The following GALNT13 variants were observed in gnomAD, a reference collection of about 807,000 sequenced individuals.
GALNT13 encodes the protein polypeptide N-acetylgalactosaminyltransferase 13, also known as UDP-GalNAc:polypeptide N-acetylgalactosaminyltransferase 13.
Under a neutral mutation model 64.2 loss-of-function variants are expected in GALNT13, and 28 were observed. The observed-to-expected ratio is 0.44, with a 90% confidence interval of 0.32 to 0.60. The LOEUF is 0.60. Among genes scored for constraint, GALNT13 ranks in the 20% least tolerant of loss-of-function variants. The pLI is 0.05. For missense variants in GALNT13, 577 were observed against 669.8 expected (o/e 0.86, Z 1.53); for synonymous variants, 214 against 224.6 (o/e 0.95, Z 0.42).
intron 2 of GALNT13, among the ~76,000 whole-genome samples, chr2:153,934,834 G>A (rs997282033): frequency 1.3e-5 from 2 of 152,084 alleles, no homozygotes; most frequent in South Asian, 2.1e-4. Flanking sequence ...ATGAAAAGTG[G>A]CCTGGCTGTT....
intron 9 of GALNT13, among the ~76,000 whole-genome samples, chr2:154,370,841 TGAGATGCCCTA>T (rs1204280564): frequency 6.6e-5 from 10 of 152,234 alleles, no homozygotes; most frequent in African/African-American, 2.4e-4. Flanking sequence ...CTGGACTAAA[TGAGATGCCCTA>T]GGAAGAAAGT....
chr2:154,360,648 T>G (rs1029925172), intron 9 of GALNT13, among the ~76,000 whole-genome samples: 5 of 152,190 alleles, frequency 3.3e-5, no homozygotes, highest in Non-Finnish European at 7.4e-5. Flanking sequence ...TATGTGTGGA[T>G]GGATGTCTCA....
chr2:153,816,604 G>A, the GALNT13 span, among the ~76,000 whole-genome samples: 1 of 149,498 alleles, frequency 6.7e-6, no homozygotes, highest in African/African-American at 2.5e-5. Context: ...ACAATGGATG[G>A]ATGGATAGAT....
At chr2:153,601,775 T>C in the GALNT13 span, among the ~76,000 whole-genome samples, 1 of 151,834 alleles carries the variant, frequency 6.6e-6, no homozygotes. Flanking sequence ...AGATGTTCCT[T>C]ACTCTAAGGA....
At chr2:154,444,289 G>A (rs1701453603) in intron 12 of GALNT13, among the ~76,000 whole-genome samples, 3 of 151,956 alleles carry the variant, frequency 2.0e-5, no homozygotes, top group South Asian at 2.1e-4. Context: ...TTTTGAAAGG[G>A]AAATAGTATA....
chr2:154,387,804 CTCTT>C (rs1698588013), intron 9 of GALNT13, among the ~76,000 whole-genome samples: 1 of 152,088 alleles, frequency 6.6e-6, no homozygotes, highest in South Asian at 2.1e-4. Flanking sequence ...ATACAACACT[CTCTT>C]TATCTGTTCA....
the GALNT13 span, among the ~76,000 whole-genome samples, chr2:153,756,584 C>G: frequency 2.0e-5 from 3 of 152,106 alleles, no homozygotes; most frequent in South Asian, 2.1e-4. Context: ...AAACTTGCCT[C>G]AAATACCTTA....
At chr2:153,263,460 A>G in the GALNT13 span, among the ~76,000 whole-genome samples, 7 of 152,198 alleles carry the variant, frequency 4.6e-5, no homozygotes, top group Admixed American at 3.9e-4. Context: ...TAAAATGCAT[A>G]TGAAACCAAA....
intron 3 of GALNT13, among the ~76,000 whole-genome samples, chr2:154,082,253 G>T (rs1311181022): frequency 6.6e-6 from 1 of 151,646 alleles, no homozygotes; most frequent in Non-Finnish European, 1.5e-5. Context: ...ATACAATGGA[G>T]TTGAGATTTG....
intron 3 of GALNT13, among the ~76,000 whole-genome samples, chr2:154,116,700 C>T (rs574838133): frequency 6.8e-4 from 103 of 152,282 alleles, no homozygotes; most frequent in African/African-American, 1.8e-3. Flanking sequence ...ACACCAAGGA[C>T]TATCAGTGTT....
At chr2:153,129,745 G>A in the GALNT13 span, among the ~76,000 whole-genome samples, 1 of 151,824 alleles carries the variant, frequency 6.6e-6, no homozygotes, top group Non-Finnish European at 1.5e-5. Flanking sequence ...ACTCCAGCCT[G>A]GTGACAGAGT....
At chr2:153,576,110 G>A in the GALNT13 span, among the ~76,000 whole-genome samples, 1 of 151,902 alleles carries the variant, frequency 6.6e-6, no homozygotes, top group South Asian at 2.1e-4. Context: ...ATCCTGCTGT[G>A]GCTGAGTTGG....
chr2:153,154,812 A>C, the GALNT13 span, among the ~76,000 whole-genome samples: 1 of 152,196 alleles, frequency 6.6e-6, no homozygotes, highest in South Asian at 2.1e-4. Context: ...CCAGTTTTCA[A>C]AGGGGAATGC....
the GALNT13 span, among the ~76,000 whole-genome samples, chr2:153,714,301 C>A: frequency 2.0e-5 from 3 of 152,158 alleles, no homozygotes; most frequent in South Asian, 2.1e-4. Flanking sequence ...AGCTAGAGAC[C>A]TGTTCTATGT....
chr2:153,446,894 A>G, the GALNT13 span: 1 of 152,186 alleles, frequency 6.6e-6, no homozygotes, highest in Non-Finnish European at 1.5e-5. Flanking sequence ...TGTATTTTAA[A>G]TGTAATAATG....
intron 4 of GALNT13, 143 bp downstream of exon 4, chr2:154,140,648 T>A (rs1473146336): frequency 6.1e-6 from 3 of 492,980 alleles, no homozygotes; most frequent in African/African-American, 2.0e-5. Flanking sequence ...TTATTGTGCA[T>A]GCATATGCTG....
At chr2:154,407,801 C>A (rs1179906596) in intron 10 of GALNT13, among the ~76,000 whole-genome samples, 1 of 152,028 alleles carries the variant, frequency 6.6e-6, no homozygotes, top group Admixed American at 6.6e-5. Flanking sequence ...CTGATCCATA[C>A]TATTCTCAGT....
At chr2:153,848,623 G>T in the GALNT13 span, among the ~76,000 whole-genome samples, 4 of 151,810 alleles carry the variant, frequency 2.6e-5, no homozygotes, top group African/African-American at 9.7e-5. Context: ...TCTCAAATCA[G>T]AAATTTTAGA....
In GALNT13 at chr2:154,019,655, A is replaced by ACAC. The variant is rs1558911641; in HGVS notation, c.142+75016_142+75017insCAC. Among the ~76,000 whole-genome samples, 112 of 108,788 alleles carry ACAC rather than the reference A, an allele frequency of 1.0e-3. 2 individuals are homozygous for ACAC. Among genetic ancestry groups the ACAC allele is most frequent in the Middle Eastern group, 4.1e-3 (1 of 242 alleles). The allele number at this position is 108,788 out of a possible 152,430, so 71.4% of individuals were successfully genotyped here. ...ACACACACACACACACACACACACAAAAGCAAGAAAAATGCACATGTTTAA... is the reference window on the plus strand; with the variant it reads ...ACACACACACACACACACACACACAACACAAGCAAGAAAAATGCACATGTTTAA... On this transcript the variant is annotated intron_variant, in intron 3 of 12. Transcript: ENST00000392825.
Sources: allele counts gnomAD v4.1 joint callset (sites outside exome capture counted in the v4.1 genomes callset), GRCh38; gene constraint gnomAD v4.1.1; transcripts MANE v1.5; gene names NCBI Gene and HGNC (gene_info 2026-07-23, HGNC 2026-07-21).